CDH13: variants seen among roughly 807,000 people sequenced by gnomAD.
The protein encoded by CDH13 is cadherin-13.
In CDH13, 24 loss-of-function variants were observed where a neutral mutation model predicts 63.8. That is an observed-to-expected ratio of 0.38 (90% confidence interval 0.27 to 0.53). The LOEUF (loss-of-function observed/expected upper bound fraction) is 0.53. CDH13 is among the 20% of genes least tolerant of loss of function. The pLI, the probability that CDH13 is intolerant of heterozygous loss-of-function variation, is 0.85. For missense variants in CDH13, 1,049 were observed against 903.1 expected (o/e 1.16, Z -2.07); for synonymous variants, 503 against 355.3 (o/e 1.42, Z -4.67).
intron 1 of CDH13, among the ~76,000 whole-genome samples, chr16:82,703,177 TAAAC>T (rs961724839): frequency 6.6e-6 from 1 of 151,568 alleles, no homozygotes; most frequent in Non-Finnish European, 1.5e-5. Flanking sequence ...TATGCACACA[TAAAC>T]ATACTACACA....
chr16:83,025,142 C>A (rs534901487), intron 2 of CDH13, among the ~76,000 whole-genome samples: 1 of 152,204 alleles, frequency 6.6e-6, no homozygotes, highest in Admixed American at 6.5e-5. Context: ...ATTCATGGAG[C>A]AACAAGCTCT....
At chr16:83,569,054 G>C (rs1372657589) in intron 7 of CDH13, among the ~76,000 whole-genome samples, 2 of 151,978 alleles carry the variant, frequency 1.3e-5, no homozygotes, top group African/African-American at 4.8e-5. Flanking sequence ...CCAAACCACT[G>C]TCTGGCCTCC....
At chr16:82,678,156 G>A (rs1447573428) in intron 1 of CDH13, among the ~76,000 whole-genome samples, 2 of 152,120 alleles carry the variant, frequency 1.3e-5, no homozygotes, top group Non-Finnish European at 2.9e-5. Flanking sequence ...TAAGAATGTT[G>A]TGGCCAAACA....
intron 6 of CDH13, among the ~76,000 whole-genome samples, chr16:83,397,125 C>G (rs1483656823): frequency 1.3e-5 from 2 of 152,138 alleles, no homozygotes; most frequent in Non-Finnish European, 2.9e-5. Flanking sequence ...CAGCATGTCC[C>G]TCCTCGGCCG....
chr16:83,159,602 C>A (rs1322040027), intron 4 of CDH13, among the ~76,000 whole-genome samples: 3 of 152,120 alleles, frequency 2.0e-5, no homozygotes, highest in Non-Finnish European at 2.9e-5. Context: ...TAAAAAAGAG[C>A]CTTAGCAGAA....
chr16:82,777,908 C>G (rs1442317565), intron 1 of CDH13, among the ~76,000 whole-genome samples: 2 of 152,154 alleles, frequency 1.3e-5, no homozygotes, highest in East Asian at 1.9e-4. Context: ...AACAGGACAA[C>G]TTGATTCGTC....
At chr16:82,867,678 G>T (rs560465700) in intron 2 of CDH13, among the ~76,000 whole-genome samples, 1 of 152,118 alleles carries the variant, frequency 6.6e-6, no homozygotes, top group South Asian at 2.1e-4. Flanking sequence ...AATCAAGCAA[G>T]GAACTTGAAA....
At chr16:83,390,252 A>G (rs1268078988) in intron 6 of CDH13, among the ~76,000 whole-genome samples, 1 of 152,134 alleles carries the variant, frequency 6.6e-6, no homozygotes, top group East Asian at 1.9e-4. Context: ...GCTCAGAGGT[A>G]CCAGTGCTCA....
chr16:82,944,069 C>G (rs1488393190), intron 2 of CDH13, among the ~76,000 whole-genome samples: 1 of 152,140 alleles, frequency 6.6e-6, no homozygotes. Context: ...GATCTCCAGC[C>G]TTAGGAAATA....
Position 83,505,061 on chromosome 16 carries a change from T to C in CDH13, c.960+18406T>C, listed in dbSNP as rs1393872695. 3.3e-5 allele frequency among the ~76,000 whole-genome samples: 5 copies of C among 152,284 alleles called. No individual in the cohort carries two copies. In the East Asian group the frequency reaches 5.8e-4, roughly 18 times the overall value. ...ATAGTCAGCCAGCTGTGGCACCACC[T>C]CTGTCTTTGCCTGTCACTCTCATAC... is the stretch of plus-strand genomic sequence containing the variant. On this transcript the variant is annotated intron_variant, in intron 7 of 13. Coordinates refer to ENST00000567109, the MANE Select transcript of CDH13 (RefSeq NM_001257.5).
intron 7 of CDH13, among the ~76,000 whole-genome samples, chr16:83,598,857 C>G (rs1326799670): frequency 6.6e-6 from 1 of 152,136 alleles, no homozygotes; most frequent in African/African-American, 2.4e-5. Flanking sequence ...CTAACCACCT[C>G]CAAGTTTAAC....
chr16:82,790,175 A>G (rs6565066), intron 1 of CDH13, among the ~76,000 whole-genome samples: 118,302 of 152,022 alleles, frequency 0.78, 46,269 homozygotes, highest in Non-Finnish European at 0.82. Context: ...GGTATCTCAT[A>G]CCTATAATCC....
At chr16:82,677,259 A>T (rs1044072122) in intron 1 of CDH13, among the ~76,000 whole-genome samples, 2 of 152,140 alleles carry the variant, frequency 1.3e-5, no homozygotes, top group African/African-American at 4.8e-5. Context: ...TTTCAGGTCT[A>T]TTGCCACTTC....
chr16:83,539,833 A>G (rs1268791360), intron 7 of CDH13, among the ~76,000 whole-genome samples: 1 of 152,210 alleles, frequency 6.6e-6, no homozygotes, highest in African/African-American at 2.4e-5. Flanking sequence ...CTAGAAAGAA[A>G]TATTTTAGCT....
chr16:83,169,662 G>A (rs1271186136), intron 4 of CDH13, among the ~76,000 whole-genome samples: 2 of 151,822 alleles, frequency 1.3e-5, no homozygotes, highest in African/African-American at 2.4e-5. Context: ...ATTCATAAAG[G>A]CCCACTACTT....
chr16:82,995,334 A>G (rs1352202167), intron 2 of CDH13, among the ~76,000 whole-genome samples: 1 of 152,234 alleles, frequency 6.6e-6, no homozygotes, highest in Non-Finnish European at 1.5e-5. Context: ...AGGTATGACC[A>G]TGGAACTGGG....
At position 83,077,186 on chromosome 16, in the gene CDH13, C is replaced by CTTTTTTTTTTTTTTTTTTTT. The variant is rs34536219; in HGVS notation, c.366+44973_366+44992dup. ...TCTTTTCTTTTCTTTTTTTTCTTTT[C>CTTTTTTTTTTTTTTTTTTTT]TTTTTTTTTTTTTTTTTTTTTTTTG... On this transcript the variant is annotated intron_variant, in intron 3 of 13. Transcript: ENST00000567109. Among the ~76,000 whole-genome samples, 276 of 59,188 alleles carry CTTTTTTTTTTTTTTTTTTTT rather than the reference C, an allele frequency of 4.7e-3. 17 individuals are homozygous for CTTTTTTTTTTTTTTTTTTTT. The highest frequency in any genetic ancestry group is 8.3e-3 in the South Asian group (10 of 1,200). The allele number at this position is 59,188 out of a possible 152,430, so 38.8% of individuals were successfully genotyped here.
chr16:83,619,341 A>G (rs1401632409), intron 8 of CDH13, among the ~76,000 whole-genome samples: 2 of 152,224 alleles, frequency 1.3e-5, no homozygotes, highest in Admixed American at 1.3e-4. Context: ...GGGTAAAGTC[A>G]TAACAGAGGG....
intron 6 of CDH13, among the ~76,000 whole-genome samples, chr16:83,413,516 G>A (rs2092156992): frequency 1.3e-5 from 2 of 152,116 alleles, no homozygotes; most frequent in African/African-American, 2.4e-5. Flanking sequence ...TATGCAATGC[G>A]GTAATGTTCC....
Sources: gnomAD v4.1 joint callset for allele counts (sites outside exome capture counted in the v4.1 genomes callset) on GRCh38, gnomAD v4.1.1 for gene constraint, MANE v1.5 for transcripts, NCBI Gene and HGNC (gene_info 2026-07-23, HGNC 2026-07-21) for gene names.